The following RARG variants were observed in gnomAD, a reference collection of about 807,000 sequenced individuals.
The protein encoded by RARG is RAR-gamma.
RARG carries 17 observed loss-of-function variants against 43.7 expected under a neutral mutation model. The ratio of observed to expected loss-of-function variants is 0.39; its 90% CI spans 0.27 to 0.58. The LOEUF is 0.58. Ranked by LOEUF, RARG falls within the 20% of genes least tolerant of loss-of-function variation. The pLI, the probability that RARG is intolerant of heterozygous loss-of-function variation, is 0.57. For missense variants in RARG, 346 were observed against 598.7 expected (o/e 0.58, Z 4.40); for synonymous variants, 238 against 236.4 (o/e 1.01, Z -0.06).
intron 3 of RARG, among the ~76,000 whole-genome samples, chr12:53,223,030 CAACT>C (rs1223040323): frequency 6.6e-6 from 1 of 152,118 alleles, no homozygotes; most frequent in Non-Finnish European, 1.5e-5. Context: ...TACCCCTTCC[CAACT>C]AACAAAGCCA....
chr12:53,222,753 T>G (rs2120705301), intron 3 of RARG, among the ~76,000 whole-genome samples: 1 of 148,758 alleles, frequency 6.7e-6, no homozygotes, highest in African/African-American at 2.5e-5. Flanking sequence ...CTAGACAGAC[T>G]TAGTACAGCC....
chr12:53,214,737 C>T (rs971846036), intron 5 of RARG, 131 bp from the exon 6 acceptor site: 12 of 1,035,542 alleles, frequency 1.2e-5, no homozygotes, highest in Non-Finnish European at 1.6e-5. Flanking sequence ...ATTACTGCCT[C>T]AGTTTCCCTA....
Position 53,227,761 on chromosome 12 carries a change from C to G in RARG, c.-142-74G>C. The stretch of plus-strand genomic sequence containing the variant: ...GGTTCCAAGCCCTGTGACCCTCTCT[C>G]AGTTGCAGTCTTCTCCCTCTGTGCT... On this transcript the variant is annotated intron_variant, in intron 2 of 9. Coordinates refer to ENST00000425354, the MANE Select transcript of RARG (RefSeq NM_000966.6). This position sits in a 1 kb window ranked among gnomAD's most constrained non-coding sequence, Gnocchi z 4.3. 1 of 1,069,114 alleles carries G rather than the reference C, an allele frequency of 9.4e-7. No individual in the cohort carries two copies. Among genetic ancestry groups the G allele is most frequent in the Admixed American group, 4.2e-5 (1 of 23,752 alleles). 66.2% of individuals were successfully genotyped at this position (1,069,114 alleles called of 1,614,324 possible). A position where few individuals can be genotyped will look rare whatever the true frequency, so the allele number is the denominator to read the frequency against.
intron 2 of RARG, among the ~76,000 whole-genome samples, chr12:53,230,903 C>T (rs1227128083): frequency 6.6e-6 from 1 of 151,012 alleles, no homozygotes; most frequent in Non-Finnish European, 1.5e-5. Context: ...ATATGGGATA[C>T]CCAAGCTCCA....
chr12:53,221,461 G>A (rs981233591), intron 3 of RARG, among the ~76,000 whole-genome samples: 99 of 152,140 alleles, frequency 6.5e-4, no homozygotes, highest in Admixed American at 4.5e-3. Flanking sequence ...CAATAGGGGC[G>A]CTTCTGGTCA....
At position 53,215,245 on chromosome 12, in the gene RARG, T is replaced by C; in HGVS notation, c.475+48A>G. 1 of 1,600,384 alleles carries C rather than the reference T, an allele frequency of 6.2e-7. No individual in the cohort carries two copies. Among genetic ancestry groups the C allele is most frequent in the Non-Finnish European group, 8.5e-7 (1 of 1,172,690 alleles). Reference sequence around the variant, plus strand: ...GCCAGAGGAAAGAGGGCCACAGCCATAGGGTAGGACCGAAGTGCTCCTGCC... The same window carrying C: ...GCCAGAGGAAAGAGGGCCACAGCCACAGGGTAGGACCGAAGTGCTCCTGCC... On this transcript the variant is annotated intron_variant, in intron 5 of 9. Transcript: ENST00000425354. This position sits in a 1 kb window ranked among gnomAD's most constrained non-coding sequence, Gnocchi z 6.4.
At chr12:53,219,976 G>A (rs772209322) in intron 3 of RARG, 16 of 1,518,376 alleles carry the variant, frequency 1.1e-5, no homozygotes, top group Admixed American at 6.6e-5. Context: ...TTGCGGCCAG[G>A]CAAAAGATTC....
chr12:53,212,787 G>T (rs1942640500), intron 9 of RARG, among the ~76,000 whole-genome samples: 1 of 147,324 alleles, frequency 6.8e-6, no homozygotes, highest in Admixed American at 6.7e-5. Context: ...CACATACTTG[G>T]AATTGTGCTG....
chr12:53,213,468 G>A lies in RARG; in HGVS notation c.1018+28C>T, dbSNP rs773280834. 1.2e-6 allele frequency: 2 copies of A among 1,607,890 alleles called. No homozygotes were observed. The highest frequency in any genetic ancestry group is 2.2e-5 in the East Asian group (1 of 44,848). On this transcript the variant is annotated intron_variant, in intron 8 of 9. Transcript: ENST00000425354. This position sits in a 1 kb window ranked among gnomAD's most constrained non-coding sequence, Gnocchi z 4.7. ...GTGGTGGGAAAGGAGACTGAGCACT[G>A]AGCAGACGCCAGGGGGCGCCCCCGC...
At position 53,227,860 on chromosome 12, in the gene RARG, C is replaced by T. The variant is rs1389661471; in HGVS notation, c.-142-173G>A. 1.3e-5 allele frequency among the ~76,000 whole-genome samples: 2 copies of T among 152,146 alleles called. No homozygotes were observed. Among genetic ancestry groups the T allele is most frequent in the Non-Finnish European group, 2.9e-5 (2 of 68,020 alleles). On this transcript the variant is annotated intron_variant, in intron 2 of 9. Transcript: ENST00000425354. This position sits in a 1 kb window ranked among gnomAD's most constrained non-coding sequence, Gnocchi z 4.3. Reference sequence around the variant, plus strand: ...AGGGCACGGCAGGGGGTTATGCAGGCTCTGAGAAACTCTCCAGAGGAGCTC... The same window carrying T: ...AGGGCACGGCAGGGGGTTATGCAGGTTCTGAGAAACTCTCCAGAGGAGCTC...
chr12:53,215,586 GTCTCTCA>G lies in RARG; in HGVS notation c.333+53_333+59del. On this transcript the variant is annotated intron_variant, in intron 4 of 9. Transcript: ENST00000425354. This position sits in a 1 kb window ranked among gnomAD's most constrained non-coding sequence, Gnocchi z 6.4. ...CTCAGACACAGCATCTGTGTGCCTG[GTCTCTCA>G]TCTTACTAGGGTAACTGGATCCCCC... 1 of 1,587,578 alleles carries G rather than the reference GTCTCTCA, an allele frequency of 6.3e-7. No homozygotes were observed. Among genetic ancestry groups the G allele is most frequent in the South Asian group, 1.1e-5 (1 of 87,570 alleles).
intron 3 of RARG, among the ~76,000 whole-genome samples, chr12:53,217,996 GA>G (rs1381119244): frequency 6.6e-6 from 1 of 152,032 alleles, no homozygotes. Flanking sequence ...TGGGATCCTA[GA>G]ACCCTCACTG....
intron 3 of RARG, among the ~76,000 whole-genome samples, chr12:53,217,426 T>C (rs551688337): frequency 2.0e-5 from 3 of 152,322 alleles, no homozygotes; most frequent in African/African-American, 7.2e-5. Flanking sequence ...ACGCCCTCCC[T>C]GCCCGCAGAG....
chr12:53,214,223 C>G lies in RARG; in HGVS notation c.649G>C (p.Asp217His), dbSNP rs772086275. 1.2e-6 allele frequency: 2 copies of G among 1,613,196 alleles called. No individual in the cohort carries two copies. Reference sequence around the variant, plus strand: ...CCCAGATCCAGCTGCACGCGGTGGTCTGCACTGGAGTTCTGCAGAGGGGAG... The same window carrying G: ...CCCAGATCCAGCTGCACGCGGTGGTGTGCACTGGAGTTCTGCAGAGGGGAG... ...LGKYTTNSSA[D>H]HRVQLDLGLW... The change falls in exon 7 of 10, where the codon GAC (aspartate) becomes CAC (histidine). Residue 217 changes from aspartate (D) to histidine (H), a missense_variant. Coordinates refer to ENST00000425354, the MANE Select transcript of RARG (RefSeq NM_000966.6).
Position 53,213,744 on chromosome 12 carries a change from A to T in RARG, c.814-44T>A. On this transcript the variant is annotated intron_variant, in intron 7 of 9. Transcript: ENST00000425354. The surrounding 1 kb of genome is among the most constrained non-coding windows in gnomAD (Gnocchi z 4.7). ...GGAGGGTTAGTGCTGTTTCTGGGGGATGGGGAAAAGAGGGAATGAGTGGAA... is the reference window on the plus strand; with the variant it reads ...GGAGGGTTAGTGCTGTTTCTGGGGGTTGGGGAAAAGAGGGAATGAGTGGAA... 4.0e-6 allele frequency: 6 copies of T among 1,507,674 alleles called. No homozygotes were observed. The highest frequency in any genetic ancestry group is 5.5e-6 in the Non-Finnish European group (6 of 1,090,132). The allele number at this position is 1,507,674 out of a possible 1,614,324, so 93.4% of individuals were successfully genotyped here.
In RARG at chr12:53,215,904, A is replaced by T. The variant is rs954303121; in HGVS notation, c.185-110T>A. 4.2e-6 allele frequency: 5 copies of T among 1,199,996 alleles called. No homozygotes were observed. The Admixed American group carries it at 1.4e-4, about 33-fold the overall frequency. The allele number at this position is 1,199,996 out of a possible 1,614,324, so 74.3% of individuals were successfully genotyped here. A position where few individuals can be genotyped will look rare whatever the true frequency, so the allele number is the denominator to read the frequency against. ...ATTTGTTCCTTGGCCCACTGGTGAC[A>T]GCCATCACTACCACAGTGCACTAGT... On this transcript the variant is annotated intron_variant, in intron 3 of 9. Transcript: ENST00000425354. This position sits in a 1 kb window ranked among gnomAD's most constrained non-coding sequence, Gnocchi z 6.4.
chr12:53,221,196 TC>T (rs1316251878), intron 3 of RARG, among the ~76,000 whole-genome samples: 4 of 77,342 alleles, frequency 5.2e-5, no homozygotes, highest in African/African-American at 2.0e-4. Flanking sequence ...AGTCTACCCC[TC>T]CTAGCCCGAG....
At position 53,211,582 on chromosome 12, in the gene RARG, G is replaced by T; in HGVS notation, c.*94C>A. On this transcript the variant is annotated 3_prime_UTR_variant, in exon 10 of 10. Coordinates refer to ENST00000425354, the MANE Select transcript of RARG (RefSeq NM_000966.6). The surrounding 1 kb of genome is among the most constrained non-coding windows in gnomAD (Gnocchi z 4.6). ...CATTGGAAGGGGTGGGGAGAGGGCA[G>T]AGCAGGTCCTCCCCCAGTCACTGGC... The T allele has an allele frequency of 8.4e-7, 1 of 1,192,926 alleles. No homozygotes were observed. The highest frequency in any genetic ancestry group is 1.1e-6 in the Non-Finnish European group (1 of 905,726). The allele number at this position is 1,192,926 out of a possible 1,614,324, so 73.9% of individuals were successfully genotyped here.
At chr12:53,222,520 T>C (rs1289225343) in intron 3 of RARG, among the ~76,000 whole-genome samples, 2 of 147,848 alleles carry the variant, frequency 1.4e-5, no homozygotes, top group East Asian at 2.0e-4. Context: ...GAACCAGAAG[T>C]GGCCAGGCCA....
Sources: gnomAD v4.1 joint callset for allele counts (sites outside exome capture counted in the v4.1 genomes callset) on GRCh38, gnomAD v4.1.1 for gene constraint, Gnocchi (gnomAD v3.1) non-coding constraint, MANE v1.5 for transcripts, NCBI Gene and HGNC (gene_info 2026-07-23, HGNC 2026-07-21) for gene names.